Variants in DPP6 observed in about 807,000 individuals in gnomAD.
The protein encoded by DPP6 is A-type potassium channel modulatory protein DPP6.
DPP6 carries 69 observed loss-of-function variants against 122.6 expected under a neutral mutation model. That is an observed-to-expected ratio of 0.56 (90% CI 0.46 to 0.69). The LOEUF (loss-of-function observed/expected upper bound fraction) is 0.69. Ranked by LOEUF, DPP6 falls within the 30% of genes least tolerant of loss-of-function variation. DPP6 has a pLI of 0.00. For missense variants in DPP6, 928 were observed against 1,116.9 expected, an observed-to-expected ratio of 0.83 and a Z score of 2.41; for synonymous variants, 418 against 433.1, an observed-to-expected ratio of 0.97 and a Z score of 0.43.
chr7:154,321,429 C>T (rs925852893), intron 1 of DPP6, among the ~76,000 whole-genome samples: 3 of 152,040 alleles, frequency 2.0e-5, no homozygotes, highest in African/African-American at 4.8e-5. Context: ...GGAACCATCA[C>T]GGAGATTTTT....
the DPP6 span, among the ~76,000 whole-genome samples, chr7:153,786,946 T>C: frequency 2.1e-5 from 3 of 144,236 alleles, no homozygotes; most frequent in Admixed American, 1.4e-4. Context: ...GATTTCCTTT[T>C]TTTTGTTTTT....
intron 7 of DPP6, among the ~76,000 whole-genome samples, chr7:154,687,350 T>C (rs971341916): frequency 6.6e-6 from 1 of 152,242 alleles, no homozygotes; most frequent in South Asian, 2.1e-4. Context: ...TATTTTTAAA[T>C]GTATTTACAG....
intron 7 of DPP6, among the ~76,000 whole-genome samples, chr7:154,687,805 C>T (rs1469805459): frequency 4.6e-5 from 7 of 152,154 alleles, no homozygotes; most frequent in Admixed American, 2.6e-4. Context: ...TTTTTACTTT[C>T]ATCTTTGACA....
chr7:154,086,835 T>G (rs1804461244), intron 1 of DPP6, among the ~76,000 whole-genome samples: 1 of 152,112 alleles, frequency 6.6e-6, no homozygotes, highest in Admixed American at 6.6e-5. Flanking sequence ...GCCAGGATGG[T>G]CTCGAACTCC....
rs551370379 is a variant in DPP6, at chr7:154,005,287, A to G, written c.51+117553A>G. On this transcript the variant is annotated intron_variant, in intron 1 of 25. Transcript: ENST00000404039. ...GAATGGCTGCCTGGGCCATCTGAGA[A>G]GTTGGCTGGTCCTATCCAGGGCTTC... Among the ~76,000 whole-genome samples, 5 of 152,266 alleles carry G rather than the reference A, an allele frequency of 3.3e-5. No individual in the cohort carries two copies. The South Asian group carries it at 1.0e-3, about 32-fold the overall frequency.
At chr7:154,826,969 G>T (rs78027513) in intron 16 of DPP6, among the ~76,000 whole-genome samples, 13,287 of 152,076 alleles carry the variant, frequency 0.087, 643 homozygotes, top group South Asian at 0.14. Flanking sequence ...GTAGCTGTAA[G>T]TCCATCAGAG....
At chr7:153,814,963 A>G in the DPP6 span, among the ~76,000 whole-genome samples, 1 of 152,172 alleles carries the variant, frequency 6.6e-6, no homozygotes, top group African/African-American at 2.4e-5. Context: ...GTATCTCAAA[A>G]TAATAAGAGC....
chr7:154,355,107 G>A (rs1811169289), intron 1 of DPP6, among the ~76,000 whole-genome samples: 1 of 152,182 alleles, frequency 6.6e-6, no homozygotes, highest in South Asian at 2.1e-4. Flanking sequence ...TAGGTGACTT[G>A]AGCACCTTTT....
the DPP6 span, among the ~76,000 whole-genome samples, chr7:153,837,837 A>ATTTTTTTTTTTTTTT: frequency 2.0e-3 from 162 of 80,632 alleles, 12 homozygotes; most frequent in African/African-American, 7.5e-3. Flanking sequence ...TGCCTGGTTA[A>ATTTTTTTTTTTTTTT]TTTTTTTTTT....
intron 1 of DPP6, among the ~76,000 whole-genome samples, chr7:153,922,635 A>G (rs10238557): frequency 0.43 from 66,076 of 152,128 alleles, 14,688 homozygotes; most frequent in East Asian, 0.68. Flanking sequence ...ATAATGGTAT[A>G]CCATATTTTA....
chr7:153,963,164 T>C (rs1214870200), intron 1 of DPP6, among the ~76,000 whole-genome samples: 11 of 152,102 alleles, frequency 7.2e-5, no homozygotes, highest in African/African-American at 2.4e-4. Flanking sequence ...GGGAAGCTAA[T>C]GTGAGGGTAG....
At chr7:154,885,797 C>T (rs1385386779) in intron 22 of DPP6, 53 bp downstream of exon 22, 11 of 1,546,482 alleles carry the variant, frequency 7.1e-6, no homozygotes, top group Non-Finnish European at 9.6e-6. Flanking sequence ...CCCGCCCCGC[C>T]CCCTGCCTGC....
chr7:154,275,769 G>C (rs1804088040), intron 1 of DPP6, among the ~76,000 whole-genome samples: 1 of 152,170 alleles, frequency 6.6e-6, no homozygotes, highest in Non-Finnish European at 1.5e-5. Context: ...AAAAGTACTG[G>C]ATCCCTCAAG....
intron 1 of DPP6, among the ~76,000 whole-genome samples, chr7:153,894,598 G>T (rs4726341): frequency 0.056 from 8,541 of 152,156 alleles, 302 homozygotes; most frequent in South Asian, 0.11. Context: ...GTCATCTATG[G>T]GTGTTGTGGA....
chr7:154,641,357 C>A (rs949393461), intron 6 of DPP6, among the ~76,000 whole-genome samples: 1 of 152,116 alleles, frequency 6.6e-6, no homozygotes, highest in Non-Finnish European at 1.5e-5. Context: ...TATATTTTAG[C>A]GGAACTAAAG....
chr7:153,899,100 C>T (rs1474356028), intron 1 of DPP6, among the ~76,000 whole-genome samples: 1 of 151,884 alleles, frequency 6.6e-6, no homozygotes, highest in Non-Finnish European at 1.5e-5. Flanking sequence ...TGGTATTCCT[C>T]CCCACCTCCT....
chr7:154,857,036 G>A (rs1802899714), intron 17 of DPP6, among the ~76,000 whole-genome samples: 1 of 151,888 alleles, frequency 6.6e-6, no homozygotes, highest in African/African-American at 2.4e-5. Context: ...TTATATAGCA[G>A]TGTTTGACTC....
chr7:153,759,147 A>G, the DPP6 span, among the ~76,000 whole-genome samples: 1 of 152,144 alleles, frequency 6.6e-6, no homozygotes, highest in Non-Finnish European at 1.5e-5. Flanking sequence ...CATTTTACAG[A>G]TGCTTATTTC....
chr7:154,586,323 T>C (rs957028251), intron 5 of DPP6, among the ~76,000 whole-genome samples: 1 of 152,160 alleles, frequency 6.6e-6, no homozygotes, highest in Non-Finnish European at 1.5e-5. Flanking sequence ...ACAGAGGAGC[T>C]TTCCCAGGAT....
Sources: allele counts gnomAD v4.1 joint callset (sites outside exome capture counted in the v4.1 genomes callset), GRCh38; gene constraint gnomAD v4.1.1; transcripts MANE v1.5; gene names NCBI Gene and HGNC (gene_info 2026-07-23, HGNC 2026-07-21).